Variants in CFAP300 observed in about 807,000 individuals in gnomAD.
CFAP300 encodes the protein cilia and flagella associated protein 300, also known as cilia- and flagella-associated protein 300.
CFAP300 carries 32 observed loss-of-function variants against 33.0 expected under a neutral mutation model. The observed-to-expected ratio is 0.97, with a 90% CI of 0.73 to 1.30. The LOEUF (loss-of-function observed/expected upper bound fraction) is 1.30. CFAP300 is among the 50% of genes most tolerant of loss of function. The pLI is 0.00. For missense variants in CFAP300, 356 were observed against 318.1 expected (o/e 1.12, Z -0.90); for synonymous variants, 102 against 106.8 (o/e 0.95, Z 0.28).
chr11:102,082,181 C>G (rs544701382), intron 6 of CFAP300, among the ~76,000 whole-genome samples: 7 of 151,742 alleles, frequency 4.6e-5, no homozygotes, highest in Non-Finnish European at 1.0e-4. Flanking sequence ...TCAAAACCAG[C>G]CTGGCCAACA....
At chr11:102,079,746 A>G (rs942359929) in intron 5 of CFAP300, among the ~76,000 whole-genome samples, 5 of 152,222 alleles carry the variant, frequency 3.3e-5, no homozygotes, top group African/African-American at 1.2e-4. Context: ...CACATTAATA[A>G]TACCTTTGAT....
chr11:102,071,703 T>C (rs771743252), intron 4 of CFAP300, among the ~76,000 whole-genome samples: 56 of 152,314 alleles, frequency 3.7e-4, no homozygotes, highest in Middle Eastern at 3.4e-3. Flanking sequence ...CTTTTATTTA[T>C]GAAGGATAAT....
chr11:102,055,940 A>G (rs557150899), intron 2 of CFAP300, among the ~76,000 whole-genome samples: 1 of 152,264 alleles, frequency 6.6e-6, no homozygotes, highest in South Asian at 2.1e-4. Context: ...AAGTGCTGGG[A>G]TTACAGGCAT....
chr11:102,068,122 C>G (rs531835317), intron 4 of CFAP300, among the ~76,000 whole-genome samples: 11 of 152,334 alleles, frequency 7.2e-5, no homozygotes, highest in Admixed American at 5.2e-4. Flanking sequence ...AATGCACTTA[C>G]TCTGCTTAGC....
intron 2 of CFAP300, among the ~76,000 whole-genome samples, chr11:102,049,522 T>C (rs1040323909): frequency 2.0e-5 from 3 of 152,128 alleles, no homozygotes; most frequent in African/African-American, 7.2e-5. Flanking sequence ...AATGTCTACC[T>C]CCCTTTCCCT....
chr11:102,047,915 GA>G lies in CFAP300; in HGVS notation c.192+20del. 6.2e-7 allele frequency: 1 copy of G among 1,612,378 alleles called. No homozygotes were observed. Among genetic ancestry groups the G allele is most frequent in the Non-Finnish European group, 8.5e-7 (1 of 1,178,748 alleles). On this transcript the variant is annotated intron_variant, in intron 2 of 6. Coordinates refer to ENST00000434758, the MANE Select transcript of CFAP300 (RefSeq NM_032930.3). Reference sequence around the variant, plus strand: ...CGTTATGGTTAGTATGGGGGTCGGAGAGTTCCCTGGGTCTCTGCGGATTTTT... The same window carrying G: ...CGTTATGGTTAGTATGGGGGTCGGAGGTTCCCTGGGTCTCTGCGGATTTTT...
At chr11:102,081,889 TAAA>T (rs72280444) in intron 6 of CFAP300, among the ~76,000 whole-genome samples, 5 of 118,720 alleles carry the variant, frequency 4.2e-5, no homozygotes, top group Non-Finnish European at 1.7e-5. Flanking sequence ...AGACTCCATC[TAAA>T]AAAAAAAAAA....
In CFAP300 at chr11:102,055,391, G is replaced by C. The variant is rs1448961175; in HGVS notation, c.193-3489G>C. 7.4e-5 allele frequency among the ~76,000 whole-genome samples: 7 copies of C among 94,020 alleles called. No homozygotes were observed. In the Admixed American group the frequency reaches 7.6e-4, roughly 10 times the overall value. 61.7% of individuals were successfully genotyped at this position (94,020 alleles called of 152,430 possible). On this transcript the variant is annotated intron_variant, in intron 2 of 6. Coordinates refer to ENST00000434758, the MANE Select transcript of CFAP300 (RefSeq NM_032930.3). ...TTTTTTTTTGAGATAGGGTCTCACT[G>C]TGTCACCCAGGCTGGAGTGCAATGG...
At position 102,066,602 on chromosome 11, in the gene CFAP300, GTTTAGA is replaced by G; in HGVS notation, c.389_394del (p.Leu130_Asp131del). The stretch of plus-strand genomic sequence containing the variant: ...CGAGACAGTGGACATATTGTTAAAT[GTTTAGA>G]TTCTTTTTGTGATCCATTTCTCATT... On this transcript the variant is annotated inframe_deletion, in exon 4 of 7. Transcript: ENST00000434758. The G allele has an allele frequency of 1.2e-6, 2 of 1,609,168 alleles. No individual in the cohort carries two copies. The highest frequency in any genetic ancestry group is 1.7e-6 in the Non-Finnish European group (2 of 1,178,852).
intron 4 of CFAP300, among the ~76,000 whole-genome samples, chr11:102,069,589 G>A (rs1942279371): frequency 6.6e-6 from 1 of 152,030 alleles, no homozygotes; most frequent in African/African-American, 2.4e-5. Flanking sequence ...GATCACTTGA[G>A]ACCAGGAGTA....
At position 102,066,601 on chromosome 11, in the gene CFAP300, T is replaced by C. The variant is rs1243734974; in HGVS notation, c.385T>C (p.Cys129Arg). 14 of 1,609,566 alleles carry C rather than the reference T, an allele frequency of 8.7e-6. No individual in the cohort carries two copies. The highest frequency in any genetic ancestry group is 8.5e-5 in the Admixed American group (5 of 59,106). Residue 129 changes from cysteine to arginine, a missense_variant, in exon 4 of 7, where the codon TGT (cysteine) becomes CGT (arginine). Physicochemically the swap from Cys to Arg is radical, Grantham distance 180. Coordinates refer to ENST00000434758, the MANE Select transcript of CFAP300 (RefSeq NM_032930.3). ...ACGAGACAGTGGACATATTGTTAAATGTTTAGATTCTTTTTGTGATCCATT... is the reference window on the plus strand; with the variant it reads ...ACGAGACAGTGGACATATTGTTAAACGTTTAGATTCTTTTTGTGATCCATT... ...IVRDSGHIVK[C>R]LDSFCDPFLI...
intron 4 of CFAP300, among the ~76,000 whole-genome samples, chr11:102,069,830 G>A (rs1459404708): frequency 6.6e-6 from 1 of 152,040 alleles, no homozygotes; most frequent in East Asian, 1.9e-4. Context: ...AGCTGGTCAT[G>A]GTGGCGTGTA....
At position 102,065,207 on chromosome 11, in the gene CFAP300, C is replaced by G. The variant is rs749556596; in HGVS notation, c.269-1278C>G. Among the ~76,000 whole-genome samples, 3 of 152,006 alleles carry G rather than the reference C, an allele frequency of 2.0e-5. 1 individual carries two copies. In the South Asian group the frequency reaches 6.2e-4, roughly 32 times the overall value. On this transcript the variant is annotated intron_variant, in intron 3 of 6. Transcript: ENST00000434758. ...CTGCAAACTCCACTTCCCAGCCTCC[C>G]GAATAGCTGGGATTACAGGAGCCTG...
At chr11:102,072,940 T>C (rs1250286558) in intron 4 of CFAP300, among the ~76,000 whole-genome samples, 1 of 152,140 alleles carries the variant, frequency 6.6e-6, no homozygotes, top group Non-Finnish European at 1.5e-5. Context: ...GTGGCTTAGG[T>C]TGCAATTGTT....
chr11:102,056,029 C>T (rs1942051909), intron 2 of CFAP300, among the ~76,000 whole-genome samples: 2 of 152,166 alleles, frequency 1.3e-5, no homozygotes, highest in African/African-American at 4.8e-5. Flanking sequence ...AATACATAGT[C>T]TGTTCAGGGG....
chr11:102,051,460 C>T (rs916910725), intron 2 of CFAP300, among the ~76,000 whole-genome samples: 1 of 152,110 alleles, frequency 6.6e-6, no homozygotes, highest in African/African-American at 2.4e-5. Flanking sequence ...TCCCACATCC[C>T]AGGGAGGCTG....
At chr11:102,065,623 C>T (rs1942212251) in intron 3 of CFAP300, among the ~76,000 whole-genome samples, 1 of 151,692 alleles carries the variant, frequency 6.6e-6, no homozygotes, top group African/African-American at 2.4e-5. Context: ...CAAAATTAGC[C>T]AGGCATGGTG....
At chr11:102,059,342 G>A (rs1942108723) in intron 3 of CFAP300, among the ~76,000 whole-genome samples, 1 of 150,590 alleles carries the variant, frequency 6.6e-6, no homozygotes, top group Non-Finnish European at 1.5e-5. Context: ...TATGTCAAAG[G>A]TGCTACCATA....
intron 2 of CFAP300, among the ~76,000 whole-genome samples, chr11:102,058,620 C>G (rs1455035712): frequency 6.6e-6 from 1 of 150,378 alleles, no homozygotes; most frequent in African/African-American, 2.5e-5. Context: ...ATTATATAAC[C>G]TCCTAATGTT....
Sources: gnomAD v4.1 joint callset for allele counts (sites outside exome capture counted in the v4.1 genomes callset) on GRCh38, gnomAD v4.1.1 for gene constraint, MANE v1.5 for transcripts, NCBI Gene and HGNC (gene_info 2026-07-23, HGNC 2026-07-21) for gene names.